RAC1: variants seen among roughly 807,000 people sequenced by gnomAD.
The protein encoded by RAC1 is Rac family small GTPase 1.
In RAC1, 2 loss-of-function variants were observed where a neutral mutation model predicts 25.2. The ratio of observed to expected loss-of-function variants is 0.08; its 90% confidence interval spans 0.03 to 0.25. The LOEUF is 0.25. Among genes scored for constraint, RAC1 ranks in the 10% least tolerant of loss-of-function variants. The pLI is 1.00. For synonymous variants in RAC1, 88 were observed against 94.0 expected (o/e 0.94, Z 0.37); for missense variants, 50 against 235.7 (o/e 0.21, Z 5.16).
chr7:6,382,259 G>A (rs2115187218), intron 1 of RAC1, among the ~76,000 whole-genome samples: 1 of 152,164 alleles, frequency 6.6e-6, no homozygotes, highest in South Asian at 2.1e-4. Context: ...CCTCTTGCTG[G>A]GATTACAGGG....
chr7:6,403,938 A>G lies in RAC1; in HGVS notation c.*1492A>G, dbSNP rs1055575581. 2 of 216,438 alleles carry G rather than the reference A, an allele frequency of 9.2e-6. No homozygotes were observed. Among genetic ancestry groups the G allele is most frequent in the African/African-American group, 4.5e-5 (2 of 44,370 alleles). 13.4% of individuals were successfully genotyped at this position (216,438 alleles called of 1,614,324 possible). On this transcript the variant is annotated 3_prime_UTR_variant, in exon 6 of 6. Transcript: ENST00000348035. ...TAATGCAATTAGCATTATGTTTTGCATGTATGACTTAATAAATCCTTGAAT... is the reference window on the plus strand; with the variant it reads ...TAATGCAATTAGCATTATGTTTTGCGTGTATGACTTAATAAATCCTTGAAT...
intron 1 of RAC1, among the ~76,000 whole-genome samples, chr7:6,386,403 G>T (rs954014021): frequency 3.3e-5 from 5 of 152,146 alleles, no homozygotes; most frequent in African/African-American, 1.2e-4. Flanking sequence ...CTGTAGGGAT[G>T]TGGTGGGATT....
intron 3 of RAC1, among the ~76,000 whole-genome samples, chr7:6,396,510 G>A (rs1343666408): frequency 6.6e-6 from 1 of 152,182 alleles, no homozygotes; most frequent in Non-Finnish European, 1.5e-5. Flanking sequence ...TGTCGTGTGT[G>A]TCTCTTCTCC....
chr7:6,379,710 T>C (rs1157483867), intron 1 of RAC1, among the ~76,000 whole-genome samples: 2 of 152,176 alleles, frequency 1.3e-5, no homozygotes, highest in African/African-American at 2.4e-5. Context: ...GTCCCTGGCC[T>C]AAACAACAGT....
At chr7:6,400,271 G>T in intron 4 of RAC1, 83 bp downstream of exon 4, 1 of 1,334,642 alleles carries the variant, frequency 7.5e-7, no homozygotes, top group Non-Finnish European at 1.1e-6. Context: ...CTTAGCCTAG[G>T]AATTTTTAGT....
chr7:6,401,644 T>G, intron 4 of RAC1: 1 of 370,168 alleles, frequency 2.7e-6, no homozygotes. Flanking sequence ...CCGGTCGTGG[T>G]TCTGTCCAGC....
intron 3 of RAC1, chr7:6,399,853 G>T: frequency 2.6e-5 from 12 of 463,626 alleles, no homozygotes; most frequent in Admixed American, 3.8e-5. Flanking sequence ...GCCTCCTGAG[G>T]GTCTGGTCTG....
At chr7:6,394,945 C>T (rs1783189420) in intron 3 of RAC1, among the ~76,000 whole-genome samples, 1 of 152,176 alleles carries the variant, frequency 6.6e-6, no homozygotes, top group African/African-American at 2.4e-5. Flanking sequence ...AGCTTCACCT[C>T]CTGGGTTCAC....
At chr7:6,396,655 G>C (rs1783243462) in intron 3 of RAC1, among the ~76,000 whole-genome samples, 1 of 152,150 alleles carries the variant, frequency 6.6e-6, no homozygotes, top group African/African-American at 2.4e-5. Context: ...GAAGTCCTTG[G>C]GAGGACAAAT....
chr7:6,397,087 A>G (rs1176546290), intron 3 of RAC1, among the ~76,000 whole-genome samples: 2 of 147,730 alleles, frequency 1.4e-5, no homozygotes, highest in Non-Finnish European at 3.0e-5. Flanking sequence ...AAAAATACAA[A>G]AAATTTAGCT....
At chr7:6,392,687 A>C (rs1289815716) in intron 3 of RAC1, among the ~76,000 whole-genome samples, 1 of 152,230 alleles carries the variant, frequency 6.6e-6, no homozygotes, top group African/African-American at 2.4e-5. Context: ...TGTCATTAAA[A>C]GTTACTTTTC....
intron 1 of RAC1, among the ~76,000 whole-genome samples, chr7:6,378,813 C>T (rs1256885943): frequency 2.0e-5 from 3 of 151,290 alleles, no homozygotes; most frequent in South Asian, 2.1e-4. Flanking sequence ...ATCACCCGGG[C>T]GCGATGGCTC....
chr7:6,388,821 G>A (rs886491991), intron 2 of RAC1, among the ~76,000 whole-genome samples: 2 of 152,182 alleles, frequency 1.3e-5, no homozygotes, highest in South Asian at 2.1e-4. Context: ...GCTGGGTTCA[G>A]TGTTGTCCCT....
chr7:6,391,957 T>C lies in RAC1; in HGVS notation c.141T>C (p.Asp47=). 1 of 1,614,078 alleles carries C rather than the reference T, an allele frequency of 6.2e-7. No homozygotes were observed. The highest frequency in any genetic ancestry group is 1.3e-5 in the African/African-American group (1 of 75,044). The stretch of plus-strand genomic sequence containing the variant: ...ATTATTCTGCCAATGTTATGGTAGA[T>C]GGAAAACCGGTGAATCTGGGCTTAT... The part of the protein sequence containing the change: ...FDNYSANVMV[D]GKPVNLGLWD... Residue 47 remains aspartate (D), a synonymous_variant, in exon 3 of 6, where the codon GAT becomes GAC. Transcript: ENST00000348035.
chr7:6,400,312 T>A (rs1783360104), intron 4 of RAC1, 124 bp downstream of exon 4: 1 of 960,540 alleles, frequency 1.0e-6, no homozygotes. Context: ...ATTTGCTACT[T>A]AAGTACATGA....
intron 1 of RAC1, among the ~76,000 whole-genome samples, chr7:6,376,486 A>ATTT (rs544818669): frequency 5.7e-5 from 7 of 122,896 alleles, no homozygotes; most frequent in East Asian, 2.3e-4. Context: ...GCCCGGCCCA[A>ATTT]TTTTTTTTTT....
chr7:6,386,805 GA>G (rs1169232256), intron 1 of RAC1, among the ~76,000 whole-genome samples: 91 of 143,032 alleles, frequency 6.4e-4, no homozygotes, highest in African/African-American at 2.0e-3. Context: ...AAAAAAAAAA[GA>G]AAAAAAAGAA....
chr7:6,391,913 C>T lies in RAC1; in HGVS notation c.108-11C>T, dbSNP rs750970012. The T allele has an allele frequency of 5.6e-6, 9 of 1,613,872 alleles. No individual in the cohort carries two copies. The African/African-American group carries it at 9.3e-5, about 17-fold the overall frequency. On this transcript the variant is annotated splice_polypyrimidine_tract_variant and intron_variant, in intron 2 of 5. Transcript: ENST00000348035. ...ACACCTGTGACTAACCATTTTCATT[C>T]CATTCTACAGCTTTGACAATTATTC...
intron 1 of RAC1, among the ~76,000 whole-genome samples, chr7:6,385,649 CT>C (rs1782905180): frequency 1.3e-5 from 2 of 152,264 alleles, no homozygotes; most frequent in South Asian, 4.1e-4. Context: ...GGAGTTCCAA[CT>C]TTTGTTAAGC....
Sources: allele counts gnomAD v4.1 joint callset (sites outside exome capture counted in the v4.1 genomes callset), GRCh38; gene constraint gnomAD v4.1.1; transcripts MANE v1.5; gene names NCBI Gene and HGNC (gene_info 2026-07-23, HGNC 2026-07-21).